STRN3: variants seen among roughly 807,000 people sequenced by gnomAD.
STRN3 encodes the protein striatin-3.
In STRN3, 29 loss-of-function variants were observed where a neutral mutation model predicts 95.6. That is an observed-to-expected ratio of 0.30 (90% CI 0.23 to 0.41). STRN3 has a LOEUF of 0.41. Among genes scored for constraint, STRN3 ranks in the 10% least tolerant of loss-of-function variants. STRN3 has a pLI of 1.00. For synonymous variants in STRN3, 331 were observed against 357.6 expected, an observed-to-expected ratio of 0.93 and a Z score of 0.84; for missense variants, 890 against 972.1, an observed-to-expected ratio of 0.92 and a Z score of 1.12.
chr14:31,021,337 T>C (rs11624837), intron 1 of STRN3, among the ~76,000 whole-genome samples: 30,420 of 152,054 alleles, frequency 0.2, 3,429 homozygotes, highest in Non-Finnish European at 0.26. Context: ...CCTAGTTGCA[T>C]AGATTACTTA....
intron 4 of STRN3, among the ~76,000 whole-genome samples, chr14:30,947,544 C>T (rs577244004): frequency 1.9e-4 from 29 of 151,752 alleles, no homozygotes; most frequent in African/African-American, 5.3e-4. Context: ...GGATTATATA[C>T]ACACACACAC....
At chr14:30,996,138 G>A (rs558761743) in intron 1 of STRN3, among the ~76,000 whole-genome samples, 4 of 152,196 alleles carry the variant, frequency 2.6e-5, no homozygotes, top group South Asian at 2.1e-4. Flanking sequence ...CAAACTTCAC[G>A]CATGCTAACT....
At chr14:30,985,138 G>A (rs1046239553) in intron 1 of STRN3, among the ~76,000 whole-genome samples, 30 of 150,964 alleles carry the variant, frequency 2.0e-4, no homozygotes, top group African/African-American at 6.6e-4. Context: ...CCAATATGAC[G>A]AAACCCCATT....
chr14:30,995,183 C>A (rs930636892), intron 1 of STRN3, among the ~76,000 whole-genome samples: 1 of 152,234 alleles, frequency 6.6e-6, no homozygotes, highest in South Asian at 2.1e-4. Flanking sequence ...TCATCTTCCA[C>A]GAAAGTTAAA....
At chr14:30,945,245 AAG>A (rs2139107256) in intron 5 of STRN3, among the ~76,000 whole-genome samples, 1 of 152,312 alleles carries the variant, frequency 6.6e-6, no homozygotes, top group South Asian at 2.1e-4. Flanking sequence ...TACCTTGGAA[AAG>A]AGTTTGGCAG....
chr14:30,939,937 A>G (rs1879012864), intron 5 of STRN3, among the ~76,000 whole-genome samples: 1 of 152,164 alleles, frequency 6.6e-6, no homozygotes, highest in African/African-American at 2.4e-5. Flanking sequence ...GTTACACTGT[A>G]AGTACATATT....
In STRN3 at chr14:30,947,475, C is replaced by T. The variant is rs1879420446; in HGVS notation, c.543-212G>A. On this transcript the variant is annotated intron_variant, in intron 4 of 17. Transcript: ENST00000357479. ...TAAAAAGCATATAGTATGGTTAACA[C>T]TGATTAAGAGCCAATTATCTCAAAA... Among the ~76,000 whole-genome samples, 3 of 152,256 alleles carry T rather than the reference C, an allele frequency of 2.0e-5. No individual in the cohort carries two copies. In the South Asian group the frequency reaches 6.2e-4, roughly 32 times the overall value.
chr14:30,983,911 A>C (rs2139235414), intron 1 of STRN3, among the ~76,000 whole-genome samples: 1 of 152,332 alleles, frequency 6.6e-6, no homozygotes, highest in Admixed American at 6.5e-5. Context: ...ATATTCTTTG[A>C]AAATTCCCTT....
At chr14:30,934,413 A>T (rs907162525) in intron 7 of STRN3, among the ~76,000 whole-genome samples, 1 of 152,214 alleles carries the variant, frequency 6.6e-6, no homozygotes, top group Admixed American at 6.5e-5. Context: ...CAACATGCTG[A>T]TATTAAATGA....
rs1346453544 is a variant in STRN3, at chr14:30,947,077, G to A, written c.716+13C>T. On this transcript the variant is annotated intron_variant, in intron 5 of 17. Transcript: ENST00000357479. ...ATATCCATTATATAAACTATGTTAAGTATAAATCATACCTTTTTATTTCTT... is the reference window on the plus strand; with the variant it reads ...ATATCCATTATATAAACTATGTTAAATATAAATCATACCTTTTTATTTCTT... The A allele has an allele frequency of 3.9e-6, 6 of 1,558,022 alleles. No homozygotes were observed. The Admixed American group carries it at 7.5e-5, about 19-fold the overall frequency.
intron 1 of STRN3, among the ~76,000 whole-genome samples, chr14:30,990,280 A>G (rs1881891997): frequency 6.6e-6 from 1 of 151,144 alleles, no homozygotes; most frequent in Non-Finnish European, 1.5e-5. Flanking sequence ...CTCCTGCCTC[A>G]GCCTCCCAAG....
At chr14:30,954,727 T>G (rs1378705902) in intron 3 of STRN3, among the ~76,000 whole-genome samples, 1 of 152,176 alleles carries the variant, frequency 6.6e-6, no homozygotes, top group Non-Finnish European at 1.5e-5. Context: ...CAAAAAAGAC[T>G]TATCTTGCTT....
intron 1 of STRN3, among the ~76,000 whole-genome samples, chr14:31,017,178 A>G (rs1883279358): frequency 3.3e-5 from 5 of 151,778 alleles, no homozygotes; most frequent in Admixed American, 6.6e-5. Flanking sequence ...AAAAAGTGTA[A>G]CAACTATTTA....
In STRN3 at chr14:30,935,258, G is replaced by C. The variant is rs934406987; in HGVS notation, c.893C>G (p.Thr298Ser). The C allele has an allele frequency of 1.2e-6, 2 of 1,613,930 alleles. No individual in the cohort carries two copies. Among genetic ancestry groups the C allele is most frequent in the African/African-American group, 2.7e-5 (2 of 74,902 alleles). ...LAADLTDDPDTEEALKEFDFL... is the reference protein window; with the variant it reads ...LAADLTDDPDSEEALKEFDFL... The stretch of plus-strand genomic sequence containing the variant: ...ATCAAATTCTTTCAGTGCTTCCTCA[G>C]TATCAGGATCGTCAGTTAGGTCAGC... The change falls in exon 7 of 18, where the codon ACT (threonine) becomes AGT (serine). Residue 298 changes from threonine (T) to serine (S), a missense_variant. By Grantham distance (58) the Thr-to-Ser change is moderately conservative (BLOSUM62 1). Transcript: ENST00000357479.
chr14:30,977,794 G>GAAAAAAAAA, intron 1 of STRN3, among the ~76,000 whole-genome samples: 1 of 109,924 alleles, frequency 9.1e-6, no homozygotes, highest in Non-Finnish European at 1.7e-5. Flanking sequence ...ACTCTATCTC[G>GAAAAAAAAA]AAAAAAAAAA....
chr14:30,913,633 C>G lies in STRN3; in HGVS notation c.1265G>C (p.Gly422Ala). 1 of 1,613,744 alleles carries G rather than the reference C, an allele frequency of 6.2e-7. No homozygotes were observed. The highest frequency in any genetic ancestry group is 8.5e-7 in the Non-Finnish European group (1 of 1,179,850). Residue 422 changes from glycine to alanine, a missense_variant, in exon 10 of 18, where the codon GGA (glycine) becomes GCA (alanine). By Grantham distance (60) the Gly-to-Ala change is moderately conservative (BLOSUM62 0). Around this residue, in one of 3 missense-constraint regions of STRN3, gnomAD observed 526 missense variants for 526.3 expected, o/e 1.00. Transcript: ENST00000357479. ...ACCCATAATAAATGACTTGCCTCCT[C>G]CAGATGGAAACGTTATTGGTTCAGC... ...EEAEPITFPS[G>A]GGKSFIMGSD...
At chr14:30,951,533 T>C (rs922773937) in intron 3 of STRN3, among the ~76,000 whole-genome samples, 1 of 152,148 alleles carries the variant, frequency 6.6e-6, no homozygotes, top group African/African-American at 2.4e-5. Flanking sequence ...TGCCTGGCAA[T>C]TTAATTTTTT....
chr14:30,999,389 G>A (rs920199457), intron 1 of STRN3, among the ~76,000 whole-genome samples: 2 of 152,038 alleles, frequency 1.3e-5, no homozygotes, highest in African/African-American at 4.8e-5. Context: ...TATGTTGAAA[G>A]AACTAAAGAA....
At chr14:31,014,461 C>T (rs1883142768) in intron 1 of STRN3, among the ~76,000 whole-genome samples, 1 of 152,096 alleles carries the variant, frequency 6.6e-6, no homozygotes, top group Non-Finnish European at 1.5e-5. Flanking sequence ...ATCTTGTGAT[C>T]CACCTGCCTC....
Sources: gnomAD v4.1 joint callset for allele counts (sites outside exome capture counted in the v4.1 genomes callset) on GRCh38, gnomAD v4.1.1 for gene constraint, gnomAD v4.1.1 regional missense constraint, MANE v1.5 for transcripts, NCBI Gene and HGNC (gene_info 2026-07-23, HGNC 2026-07-21) for gene names.